Variants in BMERB1 observed in about 807,000 individuals in gnomAD.
BMERB1 encodes the protein bMERB domain-containing protein 1.
A neutral mutation model predicts 23.6 loss-of-function variants in BMERB1; 12 were observed. The observed-to-expected ratio is 0.51, with a 90% CI of 0.33 to 0.82. The LOEUF (loss-of-function observed/expected upper bound fraction) is 0.82. Among genes scored for constraint, BMERB1 ranks in the 40% least tolerant of loss-of-function variants. BMERB1 has a pLI of 0.03. For synonymous variants in BMERB1, 122 were observed against 96.6 expected (o/e 1.26, Z -1.54); for missense variants, 247 against 255.4 (o/e 0.97, Z 0.22).
intron 2 of BMERB1, among the ~76,000 whole-genome samples, chr16:15,540,732 A>G (rs183144792): frequency 6.6e-6 from 1 of 152,306 alleles, no homozygotes; most frequent in Non-Finnish European, 1.5e-5. Flanking sequence ...AGTTACAGTC[A>G]CAGACTTTGC....
At chr16:15,565,266 G>C (rs1327493086) in intron 2 of BMERB1, among the ~76,000 whole-genome samples, 1 of 152,132 alleles carries the variant, frequency 6.6e-6, no homozygotes, top group African/African-American at 2.4e-5. Context: ...CATGAGCTGT[G>C]TGTACTCAGT....
intron 2 of BMERB1, among the ~76,000 whole-genome samples, chr16:15,549,725 G>GT (rs2030027968): frequency 6.6e-6 from 1 of 151,700 alleles, no homozygotes; most frequent in Non-Finnish European, 1.5e-5. Context: ...GGGCCAGCCA[G>GT]TTGGTCACAT....
intron 1 of BMERB1, among the ~76,000 whole-genome samples, chr16:15,482,018 A>G (rs184517245): frequency 2.6e-4 from 39 of 152,186 alleles, no homozygotes; most frequent in Admixed American, 2.1e-3. Context: ...GGCATGAGCC[A>G]CCGCGCCTGG....
At chr16:15,575,051 C>G (rs2030823408) in intron 3 of BMERB1, among the ~76,000 whole-genome samples, 1 of 151,996 alleles carries the variant, frequency 6.6e-6, no homozygotes, top group Non-Finnish European at 1.5e-5. Flanking sequence ...TGCACTCCAG[C>G]CTGGGCGACA....
chr16:15,562,926 G>A (rs1488667107), intron 2 of BMERB1, among the ~76,000 whole-genome samples: 1 of 152,224 alleles, frequency 6.6e-6, no homozygotes, highest in Non-Finnish European at 1.5e-5. Context: ...GCAGGCTGAA[G>A]CAAGGCATTC....
chr16:15,484,307 C>A (rs926115098), intron 1 of BMERB1, among the ~76,000 whole-genome samples: 8 of 152,164 alleles, frequency 5.3e-5, no homozygotes, highest in African/African-American at 1.9e-4. Flanking sequence ...AGCATCTCCC[C>A]CTTCTCCTGC....
chr16:15,440,842 C>T (rs989867124), intron 1 of BMERB1, among the ~76,000 whole-genome samples: 2 of 152,036 alleles, frequency 1.3e-5, no homozygotes, highest in Non-Finnish European at 2.9e-5. Context: ...AGAGTGAAGG[C>T]GTCAAATATT....
intron 2 of BMERB1, among the ~76,000 whole-genome samples, chr16:15,551,540 A>G (rs2030092690): frequency 6.6e-6 from 1 of 152,180 alleles, no homozygotes. Flanking sequence ...GCTGCAGAGC[A>G]CTTAGTTTGA....
chr16:15,446,865 G>T lies in BMERB1; in HGVS notation c.106+12106G>T, dbSNP rs147510203. Among the ~76,000 whole-genome samples the T allele has an allele frequency of 3.0e-4, 45 of 152,322 alleles. No individual in the cohort carries two copies. The East Asian group carries it at 8.5e-3, about 29-fold the overall frequency. ...TCAGTGTCAAACTGGAGTGGAAGTT[G>T]AAGACGTTCACAAAAATGGAGGAGG... On this transcript the variant is annotated intron_variant, in intron 1 of 5. Coordinates refer to ENST00000300006, the MANE Select transcript of BMERB1 (RefSeq NM_033201.3).
chr16:15,472,774 T>A (rs932542872), intron 1 of BMERB1, among the ~76,000 whole-genome samples: 1 of 152,134 alleles, frequency 6.6e-6, no homozygotes, highest in Admixed American at 6.6e-5. Context: ...GTCTGCCATT[T>A]TATTGTTTGT....
chr16:15,529,831 A>T (rs1163103460), intron 2 of BMERB1, among the ~76,000 whole-genome samples: 1 of 152,210 alleles, frequency 6.6e-6, no homozygotes, highest in Non-Finnish European at 1.5e-5. Context: ...GAACAGAGTG[A>T]TAATGCAGCT....
intron 1 of BMERB1, among the ~76,000 whole-genome samples, chr16:15,458,316 C>G (rs1230879864): frequency 1.3e-5 from 2 of 152,168 alleles, no homozygotes; most frequent in African/African-American, 4.8e-5. Flanking sequence ...ACCTGTTCAT[C>G]TTTGAATTTA....
intron 1 of BMERB1, among the ~76,000 whole-genome samples, chr16:15,449,230 A>G (rs118015416): frequency 9.3e-4 from 141 of 152,340 alleles, no homozygotes; most frequent in Non-Finnish European, 1.2e-3. Flanking sequence ...AAGTAAAACT[A>G]TGGTCTTTGC....
intron 1 of BMERB1, chr16:15,448,182 G>A (rs146481774): frequency 1.4e-5 from 4 of 289,702 alleles, no homozygotes; most frequent in Non-Finnish European, 2.7e-5. Context: ...GAGCCACTGC[G>A]CCTGGCCGGA....
At chr16:15,464,094 C>T (rs1025085235) in intron 1 of BMERB1, among the ~76,000 whole-genome samples, 3 of 150,254 alleles carry the variant, frequency 2.0e-5, no homozygotes, top group African/African-American at 7.4e-5. Context: ...GGGCAGATCA[C>T]CTGAGGTCAG....
chr16:15,504,156 C>T (rs1005885392), intron 1 of BMERB1, among the ~76,000 whole-genome samples: 3 of 152,196 alleles, frequency 2.0e-5, no homozygotes, highest in Non-Finnish European at 2.9e-5. Context: ...GAGAGCTGGA[C>T]TCTGAAACCC....
rs138237303 is a variant in BMERB1, at chr16:15,453,494, A to G, written c.106+18735A>G. Among the ~76,000 whole-genome samples the G allele has an allele frequency of 1.6e-3, 238 of 152,262 alleles. 2 individuals are homozygous for G. The highest frequency in any genetic ancestry group is 2.8e-3 in the Non-Finnish European group (190 of 68,024). On this transcript the variant is annotated intron_variant, in intron 1 of 5. Coordinates refer to ENST00000300006, the MANE Select transcript of BMERB1 (RefSeq NM_033201.3). ...CTACTTGGGAGGCCAAGGCAGGAGG[A>G]TCACTTGACTCCAGGAGTATGAGGC...
At chr16:15,557,213 G>A (rs542422864) in intron 2 of BMERB1, among the ~76,000 whole-genome samples, 8 of 152,246 alleles carry the variant, frequency 5.3e-5, no homozygotes, top group South Asian at 4.1e-4. Context: ...TGAATGACAC[G>A]GGTTGGCTTT....
intron 1 of BMERB1, among the ~76,000 whole-genome samples, chr16:15,449,993 C>T (rs2051028032): frequency 6.6e-6 from 1 of 151,478 alleles, no homozygotes; most frequent in African/African-American, 2.4e-5. Context: ...CTCAAGTGAT[C>T]TTCCTGCCTT....
Sources: allele counts gnomAD v4.1 joint callset (sites outside exome capture counted in the v4.1 genomes callset), GRCh38; gene constraint gnomAD v4.1.1; transcripts MANE v1.5; gene names NCBI Gene and HGNC (gene_info 2026-07-23, HGNC 2026-07-21).